The following NFKB1 variants were observed in gnomAD, a reference collection of about 807,000 sequenced individuals.
NFKB1 encodes the protein nuclear factor kappa B subunit 1, also known as nuclear factor NF-kappa-B p105 subunit.
Under a neutral mutation model 105.1 loss-of-function variants are expected in NFKB1, and 9 were observed. The ratio of observed to expected loss-of-function variants is 0.09; its 90% CI spans 0.05 to 0.15. The LOEUF is 0.15. Among genes scored for constraint, NFKB1 ranks in the 10% least tolerant of loss-of-function variants. The pLI is 1.00. For missense variants in NFKB1, 830 were observed against 1,203.7 expected, an observed-to-expected ratio of 0.69 and a Z score of 4.59; for synonymous variants, 440 against 442.2, an observed-to-expected ratio of 1.00 and a Z score of 0.06.
chr4:102,566,745 A>C (rs1204102982), intron 5 of NFKB1, among the ~76,000 whole-genome samples: 1 of 152,162 alleles, frequency 6.6e-6, no homozygotes, highest in Non-Finnish European at 1.5e-5. Flanking sequence ...ATTGTGTTTT[A>C]AGTGGCCTGC....
At chr4:102,591,035 G>A (rs1198481154) in intron 11 of NFKB1, among the ~76,000 whole-genome samples, 1 of 152,156 alleles carries the variant, frequency 6.6e-6, no homozygotes, top group Non-Finnish European at 1.5e-5. Context: ...CAGAAAAAAA[G>A]TTGGAAGCTA....
chr4:102,526,938 G>GTGTGTATATA lies in NFKB1; in HGVS notation c.39+1384_39+1385insGTATATATGT, dbSNP rs1474520676. 7.5e-4 allele frequency among the ~76,000 whole-genome samples: 114 copies of GTGTGTATATA among 152,018 alleles called. 1 individual carries two copies. The highest frequency in any genetic ancestry group is 2.2e-3 in the African/African-American group (93 of 41,464). ...CTCTCTTTTTCGTGTGTGTGTGTGT[G>GTGTGTATATA]TGTATATATGTATATATGTATATGT... On this transcript the variant is annotated intron_variant, in intron 2 of 23. Coordinates refer to ENST00000226574, the MANE Select transcript of NFKB1 (RefSeq NM_003998.4).
At chr4:102,515,253 GGC>G (rs2149102459) in intron 1 of NFKB1, among the ~76,000 whole-genome samples, 1 of 148,776 alleles carries the variant, frequency 6.7e-6, no homozygotes, top group East Asian at 2.0e-4. Context: ...TGGGACTACA[GGC>G]GCCCGCCACT....
At chr4:102,569,013 T>C (rs948613330) in intron 6 of NFKB1, among the ~76,000 whole-genome samples, 1 of 152,146 alleles carries the variant, frequency 6.6e-6, no homozygotes, top group Non-Finnish European at 1.5e-5. Flanking sequence ...GACTCAGTAG[T>C]CTTAACGTTT....
intron 1 of NFKB1, among the ~76,000 whole-genome samples, chr4:102,521,208 G>A (rs540544408): frequency 6.6e-6 from 1 of 152,220 alleles, no homozygotes; most frequent in South Asian, 2.1e-4. Context: ...AATTCCTGAG[G>A]TAGAATTGCA....
intron 6 of NFKB1, among the ~76,000 whole-genome samples, chr4:102,569,101 C>T (rs569706791): frequency 6.6e-6 from 1 of 152,150 alleles, no homozygotes; most frequent in African/African-American, 2.4e-5. Context: ...ACAATGTTTC[C>T]CAAAATACAC....
chr4:102,616,351 G>A, intron 23 of NFKB1, 83 bp from the exon 24 acceptor site: 3 of 1,485,380 alleles, frequency 2.0e-6, no homozygotes, highest in Non-Finnish European at 2.8e-6. Flanking sequence ...AGAAGCCAGT[G>A]GGCAAGAGTT....
chr4:102,571,014 C>T (rs541291745), intron 6 of NFKB1, among the ~76,000 whole-genome samples: 1 of 152,288 alleles, frequency 6.6e-6, no homozygotes, highest in African/African-American at 2.4e-5. Flanking sequence ...AAAAAAGAGC[C>T]TGCATTGCCA....
chr4:102,515,179 C>T (rs1348029016), intron 1 of NFKB1, among the ~76,000 whole-genome samples: 2 of 130,910 alleles, frequency 1.5e-5, no homozygotes, highest in South Asian at 2.4e-4. Flanking sequence ...GGCGGGATCT[C>T]GGCTCACTGC....
At chr4:102,526,323 C>T (rs773692041) in intron 2 of NFKB1, among the ~76,000 whole-genome samples, 9 of 151,866 alleles carry the variant, frequency 5.9e-5, no homozygotes, top group Non-Finnish European at 1.3e-4. Flanking sequence ...GAATGACAGA[C>T]CATGGAGATT....
At chr4:102,562,499 T>C (rs775035907) in intron 5 of NFKB1, among the ~76,000 whole-genome samples, 6 of 152,140 alleles carry the variant, frequency 3.9e-5, no homozygotes, top group Non-Finnish European at 7.4e-5. Context: ...ACTCGCTGAA[T>C]AAATAGAGAA....
chr4:102,531,777 G>A (rs769664640), intron 3 of NFKB1, among the ~76,000 whole-genome samples: 15 of 152,108 alleles, frequency 9.9e-5, no homozygotes, highest in Non-Finnish European at 1.9e-4. Flanking sequence ...CATATTTAAA[G>A]GAAATTAAAT....
At position 102,501,599 on chromosome 4, in the gene NFKB1, G is replaced by T. The variant is rs1488073798; in HGVS notation, c.-197G>T. 1 of 147,462 alleles carries T rather than the reference G, an allele frequency of 6.8e-6. No homozygotes were observed. The highest frequency in any genetic ancestry group is 1.5e-5 in the Non-Finnish European group (1 of 66,298). 9.1% of individuals were successfully genotyped at this position (147,462 alleles called of 1,614,324 possible). ...GCGCCCTGCGCTTCCCTCCGCCCGC[G>T]CTGCGGCCATGGCGCGGCGCTGACT... On this transcript the variant is annotated 5_prime_UTR_variant, in exon 1 of 24. Coordinates refer to ENST00000226574, the MANE Select transcript of NFKB1 (RefSeq NM_003998.4).
intron 11 of NFKB1, among the ~76,000 whole-genome samples, chr4:102,589,480 T>A (rs1458743285): frequency 6.6e-6 from 1 of 152,172 alleles, no homozygotes; most frequent in African/African-American, 2.4e-5. Context: ...TTGGTTTTTT[T>A]TTTTTCCTGG....
chr4:102,536,155 T>A (rs541737961), intron 4 of NFKB1, among the ~76,000 whole-genome samples: 1 of 152,282 alleles, frequency 6.6e-6, no homozygotes, highest in South Asian at 2.1e-4. Context: ...GTTTTTTTCA[T>A]GGTTTTAGAA....
At chr4:102,529,954 C>T in intron 3 of NFKB1, 40 bp downstream of exon 3, 2 of 1,433,272 alleles carry the variant, frequency 1.4e-6, no homozygotes, top group Non-Finnish European at 1.9e-6. Flanking sequence ...GTTCTGCTTT[C>T]AGTCTTAGTA....
intron 23 of NFKB1, among the ~76,000 whole-genome samples, chr4:102,615,753 G>C (rs1289136211): frequency 2.0e-5 from 3 of 152,174 alleles, no homozygotes; most frequent in Non-Finnish European, 4.4e-5. Flanking sequence ...CGTGCCACTG[G>C]CATTAAAGTC....
intron 4 of NFKB1, among the ~76,000 whole-genome samples, chr4:102,535,787 A>T (rs1307462157): frequency 6.6e-6 from 1 of 151,954 alleles, no homozygotes; most frequent in Admixed American, 6.6e-5. Context: ...ATTTGACACC[A>T]CTCCCAATAA....
intron 1 of NFKB1, among the ~76,000 whole-genome samples, chr4:102,522,869 C>T (rs1313997349): frequency 6.6e-6 from 1 of 152,092 alleles, no homozygotes. Flanking sequence ...AGCTGGTATT[C>T]AGTACTGTAT....
Sources: allele counts gnomAD v4.1 joint callset (sites outside exome capture counted in the v4.1 genomes callset), GRCh38; gene constraint gnomAD v4.1.1; transcripts MANE v1.5; gene names NCBI Gene and HGNC (gene_info 2026-07-23, HGNC 2026-07-21).